Variants in TNFAIP8 observed in about 807,000 individuals in gnomAD.
TNFAIP8 encodes tumor necrosis factor alpha-induced protein 8.
TNFAIP8 carries 7 observed loss-of-function variants against 13.3 expected under a neutral mutation model. The ratio of observed to expected loss-of-function variants is 0.52; its 90% CI spans 0.30 to 0.99. The LOEUF (loss-of-function observed/expected upper bound fraction) is 0.99. Ranked by LOEUF, TNFAIP8 falls within the 50% of genes least tolerant of loss-of-function variation. The probability of loss-of-function intolerance (pLI) is 0.07; values close to 1 mark genes in which losing one functional copy is unlikely to be tolerated. For missense variants in TNFAIP8, 258 were observed against 236.9 expected, an observed-to-expected ratio of 1.09 and a Z score of -0.58; for synonymous variants, 94 against 87.6, an observed-to-expected ratio of 1.07 and a Z score of -0.41.
chr5:119,388,735 C>T (rs1752776112), intron 1 of TNFAIP8, among the ~76,000 whole-genome samples: 1 of 151,948 alleles, frequency 6.6e-6, no homozygotes, highest in Admixed American at 6.6e-5. Context: ...TAGCCTTGAA[C>T]TCCTGGGCTC....
Position 119,392,958 on chromosome 5 carries a change from C to T in TNFAIP8, c.174C>T (p.Thr58=). The T allele has an allele frequency of 6.2e-7, 1 of 1,611,208 alleles. No homozygotes were observed. Among genetic ancestry groups the T allele is most frequent in the Non-Finnish European group, 8.5e-7 (1 of 1,178,694 alleles). Residue 58 remains threonine (T), a synonymous_variant, in exon 2 of 2, where the codon ACC becomes ACT. Coordinates refer to ENST00000504771, the MANE Select transcript of TNFAIP8 (RefSeq NM_014350.4). The stretch of plus-strand genomic sequence containing the variant: ...TGCTGGATGAGCTCTACAGAGTGAC[C>T]AGGGAGTACACCCAAAACAAGAAGG... ...SEVLDELYRV[T]REYTQNKKEA... is the part of the protein sequence containing the mutation.
chr5:119,321,165 C>T (rs62375108), intron 1 of TNFAIP8, among the ~76,000 whole-genome samples: 30,118 of 152,040 alleles, frequency 0.2, 3,590 homozygotes, highest in East Asian at 0.39. Flanking sequence ...TGCAGTGAGC[C>T]GAGATCGAGC....
At chr5:119,344,332 C>A (rs250299) in intron 1 of TNFAIP8, among the ~76,000 whole-genome samples, 93,437 of 151,524 alleles carry the variant, frequency 0.62, 29,182 homozygotes, top group African/African-American at 0.69. Context: ...CGCATGAACT[C>A]ATAGAGCAAG....
intron 1 of TNFAIP8, among the ~76,000 whole-genome samples, chr5:119,296,604 G>T (rs898352638): frequency 6.6e-6 from 1 of 152,108 alleles, no homozygotes; most frequent in Non-Finnish European, 1.5e-5. Flanking sequence ...GGTTGTGCCT[G>T]TGCCCGGCTT....
intron 1 of TNFAIP8, among the ~76,000 whole-genome samples, chr5:119,299,921 G>T (rs1276906320): frequency 6.6e-6 from 1 of 152,234 alleles, no homozygotes; most frequent in African/African-American, 2.4e-5. Context: ...GTCAGGTGCG[G>T]GTTATAATCT....
intron 1 of TNFAIP8, among the ~76,000 whole-genome samples, chr5:119,332,552 G>A (rs1750419235): frequency 6.6e-6 from 1 of 152,110 alleles, no homozygotes; most frequent in Non-Finnish European, 1.5e-5. Context: ...GGGAGAGTAA[G>A]ATAGATAAAC....
At chr5:119,322,637 A>G (rs1385761295) in intron 1 of TNFAIP8, among the ~76,000 whole-genome samples, 2 of 151,742 alleles carry the variant, frequency 1.3e-5, no homozygotes, top group East Asian at 3.9e-4. Flanking sequence ...CACTTTCCTG[A>G]TTTTCCTCCC....
chr5:119,366,001 G>A (rs748174553), intron 1 of TNFAIP8, among the ~76,000 whole-genome samples: 2 of 152,070 alleles, frequency 1.3e-5, no homozygotes, highest in Non-Finnish European at 2.9e-5. Flanking sequence ...GGAACAATGA[G>A]GGAGACATAG....
At chr5:119,349,277 T>C (rs1751031843) in intron 1 of TNFAIP8, among the ~76,000 whole-genome samples, 1 of 152,254 alleles carries the variant, frequency 6.6e-6, no homozygotes, top group Non-Finnish European at 1.5e-5. Flanking sequence ...AATCTGGCCT[T>C]AATCATGATT....
chr5:119,391,630 G>T (rs558123404), intron 1 of TNFAIP8: 188 of 466,654 alleles, frequency 4.0e-4, no homozygotes, highest in Non-Finnish European at 6.4e-4. Context: ...ATGGTGGAGG[G>T]TGCCTATAAT....
chr5:119,273,440 G>A (rs1748350224), intron 1 of TNFAIP8, among the ~76,000 whole-genome samples: 1 of 150,806 alleles, frequency 6.6e-6, no homozygotes. Flanking sequence ...GGTGAATGTA[G>A]CACAACTTCA....
chr5:119,364,092 T>C (rs1227956852), intron 1 of TNFAIP8, among the ~76,000 whole-genome samples: 1 of 152,158 alleles, frequency 6.6e-6, no homozygotes, highest in Non-Finnish European at 1.5e-5. Flanking sequence ...TCATTGGCCA[T>C]TGGTGATTAA....
chr5:119,369,058 T>C (rs1040652166), intron 1 of TNFAIP8, among the ~76,000 whole-genome samples: 1 of 148,916 alleles, frequency 6.7e-6, no homozygotes, highest in African/African-American at 2.5e-5. Context: ...TTCTTTTCTT[T>C]TTTTTTTTTT....
At chr5:119,355,276 G>T, upstream of TNFAIP8, 1 of 700,730 alleles carries the variant, frequency 1.4e-6, no homozygotes, top group South Asian at 1.5e-5. Flanking sequence ...CTCCCCCTGA[G>T]GAAGGCCCTT....
At chr5:119,332,418 T>G (rs989641441) in intron 1 of TNFAIP8, among the ~76,000 whole-genome samples, 5 of 152,126 alleles carry the variant, frequency 3.3e-5, no homozygotes, top group Non-Finnish European at 5.9e-5. Context: ...ATAAATAGAC[T>G]CTGAACCAGA....
intron 1 of TNFAIP8, among the ~76,000 whole-genome samples, chr5:119,283,829 C>A (rs961800286): frequency 6.6e-6 from 1 of 152,170 alleles, no homozygotes; most frequent in East Asian, 1.9e-4. Flanking sequence ...CTCTTTGCTC[C>A]TAAGAATCTT....
rs569932283 is a variant in TNFAIP8, at chr5:119,385,744, C to T, written c.32-7072C>T. ...CCCAGCCATCTGGCATTTTGCATTT[C>T]TCAGTTCATGATACTACCAGAAGGA... is the stretch of plus-strand genomic sequence containing the variant. On this transcript the variant is annotated intron_variant, in intron 1 of 1. Coordinates refer to ENST00000504771, the MANE Select transcript of TNFAIP8 (RefSeq NM_014350.4). Among the ~76,000 whole-genome samples the T allele has an allele frequency of 1.4e-4, 21 of 152,326 alleles. No homozygotes were observed. In the South Asian group the frequency reaches 3.5e-3, roughly 26 times the overall value.
At chr5:119,363,592 G>T (rs1301669117) in intron 1 of TNFAIP8, among the ~76,000 whole-genome samples, 4 of 152,286 alleles carry the variant, frequency 2.6e-5, no homozygotes, top group East Asian at 1.9e-4. Flanking sequence ...AATATGGGCA[G>T]GAAATTTAAT....
intron 1 of TNFAIP8, among the ~76,000 whole-genome samples, chr5:119,373,391 A>T (rs1008152853): frequency 6.6e-6 from 1 of 152,240 alleles, no homozygotes; most frequent in Non-Finnish European, 1.5e-5. Context: ...GAATTCTAAA[A>T]AGTCACTTCA....
Sources: allele counts gnomAD v4.1 joint callset (sites outside exome capture counted in the v4.1 genomes callset), GRCh38; gene constraint gnomAD v4.1.1; transcripts MANE v1.5; gene names NCBI Gene and HGNC (gene_info 2026-07-23, HGNC 2026-07-21).